LAMA4: variants seen among roughly 807,000 people sequenced by gnomAD.
LAMA4 encodes the protein laminin subunit alpha 4.
A neutral mutation model predicts 207.1 loss-of-function variants in LAMA4; 127 were observed. The observed-to-expected ratio is 0.61, with a 90% CI of 0.53 to 0.71. LAMA4 has a LOEUF of 0.71. Among genes scored for constraint, LAMA4 ranks in the 30% least tolerant of loss-of-function variants. The pLI, the probability that LAMA4 is intolerant of heterozygous loss-of-function variation, is 0.00. For missense variants in LAMA4, 2,093 were observed against 2,246.5 expected (o/e 0.93, Z 1.38); for synonymous variants, 761 against 816.0 (o/e 0.93, Z 1.15).
intron 31 of LAMA4, among the ~76,000 whole-genome samples, chr6:112,122,762 G>A (rs186441601): frequency 1.2e-4 from 18 of 152,232 alleles, no homozygotes; most frequent in Admixed American, 7.9e-4. Context: ...TTGCATGGCC[G>A]ATGCTAAAAT....
Position 112,134,617 on chromosome 6 carries a change from A to G in LAMA4, c.3415-8T>C. The G allele has an allele frequency of 1.3e-6, 2 of 1,597,524 alleles. No homozygotes were observed. On this transcript the variant is annotated splice_polypyrimidine_tract_variant and splice_region_variant and intron_variant, in intron 25 of 38. Coordinates refer to ENST00000230538, the MANE Select transcript of LAMA4 (RefSeq NM_001105206.3). ...GTGGTAAATGATTGAGATCTGGGAG[A>G]GATAATATATAGTAAGCCTTGATTA...
chr6:112,142,492 C>CAAA (rs34291448), intron 19 of LAMA4, among the ~76,000 whole-genome samples, 200 bp from the exon 20 acceptor site: 3 of 149,608 alleles, frequency 2.0e-5, no homozygotes, highest in Non-Finnish European at 3.0e-5. Flanking sequence ...TGAAAGAAAG[C>CAAA]AAAAAAAAAG....
At chr6:112,199,491 T>C (rs1015799648) in intron 5 of LAMA4, among the ~76,000 whole-genome samples, 1 of 152,126 alleles carries the variant, frequency 6.6e-6, no homozygotes, top group South Asian at 2.1e-4. Flanking sequence ...GTAAATCAGG[T>C]GCCTCCTATT....
chr6:112,222,776 G>A (rs1340301382), intron 2 of LAMA4, among the ~76,000 whole-genome samples: 2 of 152,188 alleles, frequency 1.3e-5, no homozygotes, highest in Non-Finnish European at 2.9e-5. Context: ...GTGTGTTGAA[G>A]TACTTGCTAC....
In LAMA4 at chr6:112,126,464, C is replaced by T. The variant is rs77723318; in HGVS notation, c.4287+2458G>A. Among the ~76,000 whole-genome samples, 85 of 152,282 alleles carry T rather than the reference C, an allele frequency of 5.6e-4. No individual in the cohort carries two copies. In the East Asian group the frequency reaches 0.016, roughly 28 times the overall value. On this transcript the variant is annotated intron_variant, in intron 31 of 38. Transcript: ENST00000230538. Reference sequence around the variant, plus strand: ...GAGAATCAATGAAATTATCTGTCTTCCATGTCAAACTCAGGAAGAGATCCT... The same window carrying T: ...GAGAATCAATGAAATTATCTGTCTTTCATGTCAAACTCAGGAAGAGATCCT...
chr6:112,183,492 C>T (rs1782485983), intron 9 of LAMA4, among the ~76,000 whole-genome samples: 1 of 152,154 alleles, frequency 6.6e-6, no homozygotes, highest in South Asian at 2.1e-4. Context: ...GTGATGTTAA[C>T]TTTCAAGCGT....
intron 32 of LAMA4, among the ~76,000 whole-genome samples, chr6:112,120,760 C>T (rs201699299): frequency 2.0e-5 from 3 of 152,118 alleles, no homozygotes; most frequent in African/African-American, 7.2e-5. Flanking sequence ...AATATGGCTG[C>T]AGGCTGGGTG....
intron 2 of LAMA4, among the ~76,000 whole-genome samples, chr6:112,227,497 G>A (rs1785288219): frequency 6.6e-6 from 1 of 152,198 alleles, no homozygotes; most frequent in South Asian, 2.1e-4. Flanking sequence ...TACTTAGGTT[G>A]TCTGGATATA....
chr6:112,252,601 T>C (rs1554190088), intron 2 of LAMA4, among the ~76,000 whole-genome samples: 1 of 152,252 alleles, frequency 6.6e-6, no homozygotes, highest in Non-Finnish European at 1.5e-5. Context: ...TCATTATTTA[T>C]CTGAAATTCA....
At chr6:112,190,947 C>CTTTTCTTTCTTTCCTTT (rs1491586717) in intron 6 of LAMA4, among the ~76,000 whole-genome samples, 4 of 40,514 alleles carry the variant, frequency 9.9e-5, no homozygotes, top group African/African-American at 4.3e-4. Context: ...TTCTTTCTTT[C>CTTTTCTTTCTTTCCTTT]CTTTCTTTCT....
intron 5 of LAMA4, among the ~76,000 whole-genome samples, chr6:112,198,248 G>A (rs781951022): frequency 1.3e-5 from 2 of 152,100 alleles, no homozygotes; most frequent in Non-Finnish European, 2.9e-5. Context: ...AGTTTTCCTG[G>A]AGACAGTTGG....
rs1779538369 is a variant in LAMA4 at position 112,139,245 on chromosome 6, CGAA to C, written c.3154_3156del (p.Phe1052del). ...CTCACCACGGCATAACCGGAGCCATCGAAGAAGTAACTGGCAGCCCGACTCTGA... is the reference window on the plus strand; with the variant it reads ...CTCACCACGGCATAACCGGAGCCATCGAAGTAACTGGCAGCCCGACTCTGA... On this transcript the variant is annotated inframe_deletion, in exon 24 of 39. Transcript: ENST00000230538. 3.1e-6 allele frequency: 5 copies of C among 1,614,132 alleles called. No individual in the cohort carries two copies. Among genetic ancestry groups the C allele is most frequent in the Non-Finnish European group, 4.2e-6 (5 of 1,180,000 alleles).
At chr6:112,130,399 G>A (rs34172193) in intron 29 of LAMA4, among the ~76,000 whole-genome samples, 1,923 of 151,000 alleles carry the variant, frequency 0.013, 30 homozygotes, top group Middle Eastern at 0.034. Flanking sequence ...CATTTTCATG[G>A]CAAAGCACAT....
intron 12 of LAMA4, among the ~76,000 whole-genome samples, chr6:112,169,432 A>G (rs1240764571): frequency 6.6e-6 from 1 of 152,252 alleles, no homozygotes; most frequent in Non-Finnish European, 1.5e-5. Flanking sequence ...GCAGAAAGAC[A>G]CAAATATGAA....
rs1183334487 is a variant in LAMA4 at position 112,114,689 on chromosome 6, C to G, written c.5180G>C (p.Cys1727Ser). Reference protein sequence around the residue: ...STSVTPKQSLCDGRWHRITVI... With the variant: ...STSVTPKQSLSDGRWHRITVI... ...TGTAATTCTGTGCCATCTGCCATCA[C>G]AGAGACTCTGCTTGGGTGTAACTGA... Residue 1727 changes from cysteine (C) to serine (S), a missense_variant, in exon 37 of 39, where the codon TGT becomes TCT. Cys to Ser is a moderately radical substitution (Grantham distance 112). Coordinates refer to ENST00000230538, the MANE Select transcript of LAMA4 (RefSeq NM_001105206.3). The G allele has an allele frequency of 6.2e-7, 1 of 1,613,104 alleles. No homozygotes were observed. Among genetic ancestry groups the G allele is most frequent in the Non-Finnish European group, 8.5e-7 (1 of 1,179,216 alleles).
At chr6:112,201,813 A>C in intron 4 of LAMA4, 125 bp from the exon 5 acceptor site, 1 of 844,826 alleles carries the variant, frequency 1.2e-6, no homozygotes, top group Non-Finnish European at 2.0e-6. Context: ...CATTTTCTTT[A>C]TTTAAACTTG....
intron 3 of LAMA4, among the ~76,000 whole-genome samples, chr6:112,212,406 T>C (rs1293160775): frequency 6.6e-6 from 1 of 152,052 alleles, no homozygotes; most frequent in Middle Eastern, 3.2e-3. Context: ...GTATTTTTAG[T>C]AGAGATGGGG....
chr6:112,145,906 G>A (rs1168315402), intron 18 of LAMA4, among the ~76,000 whole-genome samples: 3 of 152,046 alleles, frequency 2.0e-5, no homozygotes, highest in African/African-American at 7.2e-5. Flanking sequence ...AGGTCAAGAG[G>A]AATACTGGGA....
At chr6:112,247,135 G>A (rs1787010684) in intron 2 of LAMA4, among the ~76,000 whole-genome samples, 1 of 152,206 alleles carries the variant, frequency 6.6e-6, no homozygotes, top group Non-Finnish European at 1.5e-5. Context: ...GGGACAGACT[G>A]AGAGAAATGA....
Sources: gnomAD v4.1 joint callset for allele counts (sites outside exome capture counted in the v4.1 genomes callset) on GRCh38, gnomAD v4.1.1 for gene constraint, MANE v1.5 for transcripts, NCBI Gene and HGNC (gene_info 2026-07-23, HGNC 2026-07-21) for gene names.